HFM1: variants seen among roughly 807,000 people sequenced by gnomAD.
HFM1 encodes helicase for meiosis 1.
HFM1 carries 169 observed loss-of-function variants against 192.1 expected under a neutral mutation model. The observed-to-expected ratio is 0.88, with a 90% CI of 0.78 to 1.00. The LOEUF is 1.00. Ranked by LOEUF, HFM1 falls within the 50% of genes least tolerant of loss-of-function variation. The pLI is 0.00. For missense variants in HFM1, 1,661 were observed against 1,668.0 expected, an observed-to-expected ratio of 1.00 and a Z score of 0.07; for synonymous variants, 525 against 537.8, an observed-to-expected ratio of 0.98 and a Z score of 0.33.
chr1:91,361,595 A>G (rs1344347035), intron 13 of HFM1, among the ~76,000 whole-genome samples: 1 of 152,108 alleles, frequency 6.6e-6, no homozygotes, highest in East Asian at 1.9e-4. Flanking sequence ...CAGGACCAGA[A>G]AGATCCACAG....
Position 91,274,799 on chromosome 1 carries a change from T to C in HFM1, c.3599A>G (p.Asn1200Ser). The change falls in exon 33 of 39, where the codon AAT becomes AGT. Residue 1200 changes from asparagine to serine, a missense_variant. Transcript: ENST00000370425. ...TTTAAGGTCCACACTTTGAGATTTATTCATCTGTATCTATTAATGAAACAA... is the reference window on the plus strand; with the variant it reads ...TTTAAGGTCCACACTTTGAGATTTACTCATCTGTATCTATTAATGAAACAA... Reference protein sequence around the residue: ...PPVKRLKIQMNKSQSVDLKEF... With the variant: ...PPVKRLKIQMSKSQSVDLKEF... The C allele has an allele frequency of 6.4e-7, 1 of 1,553,332 alleles. No individual in the cohort carries two copies. Among genetic ancestry groups the C allele is most frequent in the Non-Finnish European group, 8.9e-7 (1 of 1,127,738 alleles).
rs1238851442 is a variant in HFM1 at position 91,378,482 on chromosome 1, TAG to T, written c.1159-4_1159-3del. 1.9e-6 allele frequency: 3 copies of T among 1,575,472 alleles called. No individual in the cohort carries two copies. The highest frequency in any genetic ancestry group is 1.7e-6 in the Non-Finnish European group (2 of 1,149,066). On this transcript the variant is annotated splice_polypyrimidine_tract_variant and splice_region_variant and intron_variant, in intron 9 of 38. Coordinates refer to ENST00000370425, the MANE Select transcript of HFM1 (RefSeq NM_001017975.6). ...CCTAGTCATGCTATCCCATTTTTCC[TAG>T]AGAGAAAAAAAAGCATACAAGTAGT...
At chr1:91,293,767 T>C (rs1355173570) in intron 30 of HFM1, among the ~76,000 whole-genome samples, 4 of 147,964 alleles carry the variant, frequency 2.7e-5, no homozygotes, top group East Asian at 2.0e-4. Context: ...TATTGCGGCA[T>C]TATTCACAAT....
intron 30 of HFM1, 58 bp downstream of exon 30, chr1:91,313,291 C>T (rs1295428198): frequency 2.0e-6 from 2 of 1,006,722 alleles, no homozygotes; most frequent in South Asian, 1.9e-5. Flanking sequence ...AACACTGATA[C>T]TCCTTCCTAG....
chr1:91,296,988 C>T (rs1052537239), intron 30 of HFM1, among the ~76,000 whole-genome samples: 23 of 152,312 alleles, frequency 1.5e-4, no homozygotes, highest in Middle Eastern at 3.4e-3. Flanking sequence ...CAAAGCAGGG[C>T]GAGGCATCGC....
At chr1:91,377,562 A>T (rs1661050158) in intron 11 of HFM1, 1 of 157,856 alleles carries the variant, frequency 6.3e-6, no homozygotes, top group South Asian at 1.9e-4. Context: ...TAACCATGAG[A>T]TCCTCCTCAA....
chr1:91,360,173 C>G (rs1658304783), intron 13 of HFM1, among the ~76,000 whole-genome samples: 1 of 152,028 alleles, frequency 6.6e-6, no homozygotes, highest in South Asian at 2.1e-4. Flanking sequence ...ATCATGATGA[C>G]AGGATCAAAT....
chr1:91,383,536 G>C (rs1442521348), intron 6 of HFM1, among the ~76,000 whole-genome samples: 2 of 152,116 alleles, frequency 1.3e-5, no homozygotes, highest in African/African-American at 4.8e-5. Context: ...CTTTTCATGA[G>C]AAGTCAGGCA....
chr1:91,296,460 C>G (rs942021189), intron 30 of HFM1, among the ~76,000 whole-genome samples: 2 of 151,790 alleles, frequency 1.3e-5, no homozygotes, highest in Admixed American at 6.6e-5. Flanking sequence ...GTAGGTTGCC[C>G]AATATGTTTT....
rs1663366724 is a variant in HFM1 at position 91,394,252 on chromosome 1, T to C, written c.335A>G (p.Asn112Ser). 1.2e-6 allele frequency: 2 copies of C among 1,600,456 alleles called. No homozygotes were observed. Among genetic ancestry groups the C allele is most frequent in the African/African-American group, 1.3e-5 (1 of 74,676 alleles). The change falls in exon 4 of 39, where the codon AAT (asparagine) becomes AGT (serine). Residue 112 changes from asparagine to serine, a missense_variant. Coordinates refer to ENST00000370425, the MANE Select transcript of HFM1 (RefSeq NM_001017975.6). ...DDLNLEGVGN[N>S]DLSHIAGKLT... ...CTTGCCAGCAATATGTGATAAGTCA[T>C]TATTACCTACCCCTTCTAAATTTAG...
chr1:91,277,580 CTT>C (rs1666956268), intron 30 of HFM1, among the ~76,000 whole-genome samples: 1 of 11,528 alleles, frequency 8.7e-5, no homozygotes, highest in Non-Finnish European at 2.1e-4. Flanking sequence ...AATATATATA[CTT>C]TATATATAAT....
At chr1:91,276,392 C>A (rs1666810147) in intron 32 of HFM1, among the ~76,000 whole-genome samples, 1 of 152,018 alleles carries the variant, frequency 6.6e-6, no homozygotes, top group South Asian at 2.1e-4. Context: ...GTCACTGTAT[C>A]TTAGCACTTT....
At chr1:91,361,900 A>T (rs1658567596) in intron 13 of HFM1, among the ~76,000 whole-genome samples, 1 of 152,228 alleles carries the variant, frequency 6.6e-6, no homozygotes, top group Non-Finnish European at 1.5e-5. Context: ...GGTTCAATGT[A>T]CACAAACCAA....
Position 91,277,208 on chromosome 1 carries a change from G to A in HFM1, c.3392-146C>T, listed in dbSNP as rs150742492. Reference sequence around the variant, plus strand: ...CTTTCTCAAGTGTTTTGTAATCCACGTAATTTTTTTTTTAATAAAGAGATA... The same window carrying A: ...CTTTCTCAAGTGTTTTGTAATCCACATAATTTTTTTTTTAATAAAGAGATA... On this transcript the variant is annotated intron_variant, in intron 30 of 38. Coordinates refer to ENST00000370425, the MANE Select transcript of HFM1 (RefSeq NM_001017975.6). 493 of 455,724 alleles carry A rather than the reference G, an allele frequency of 1.1e-3. 1 individual carries two copies. The highest frequency in any genetic ancestry group is 8.9e-3 in the African/African-American group (434 of 48,610). The allele number at this position is 455,724 out of a possible 1,614,324, so 28.2% of individuals were successfully genotyped here. A position where few individuals can be genotyped will look rare whatever the true frequency, so the allele number is the denominator to read the frequency against.
chr1:91,349,472 GTC>G (rs1656639018), intron 18 of HFM1, among the ~76,000 whole-genome samples: 2 of 152,118 alleles, frequency 1.3e-5, no homozygotes, highest in Non-Finnish European at 2.9e-5. Flanking sequence ...GATTTAGTCT[GTC>G]TCTGTCTCTG....
chr1:91,324,623 T>C (rs1428974936), intron 21 of HFM1, 52 bp downstream of exon 21: 4 of 817,192 alleles, frequency 4.9e-6, no homozygotes, highest in Non-Finnish European at 8.2e-6. Context: ...TTCTCAAATA[T>C]TATTTTATAC....
intron 38 of HFM1, 129 bp from the exon 39 acceptor site, chr1:91,261,488 A>C (rs975537885): frequency 6.7e-5 from 29 of 435,084 alleles, no homozygotes; most frequent in Non-Finnish European, 1.0e-4. Flanking sequence ...AATGTATCAA[A>C]TAAACTTCAG....
intron 30 of HFM1, among the ~76,000 whole-genome samples, chr1:91,295,368 G>A (rs1274966957): frequency 6.6e-6 from 1 of 152,168 alleles, no homozygotes; most frequent in African/African-American, 2.4e-5. Flanking sequence ...CAAGATCAAG[G>A]TGTTGGTAGG....
chr1:91,370,188 T>C (rs1412193408), intron 13 of HFM1, among the ~76,000 whole-genome samples: 5 of 152,204 alleles, frequency 3.3e-5, no homozygotes, highest in African/African-American at 4.8e-5. Flanking sequence ...CCATTCCTTC[T>C]GAAACTATTC....
Sources: allele counts gnomAD v4.1 joint callset (sites outside exome capture counted in the v4.1 genomes callset), GRCh38; gene constraint gnomAD v4.1.1; transcripts MANE v1.5; gene names NCBI Gene and HGNC (gene_info 2026-07-23, HGNC 2026-07-21).